CTBP2: variants seen among roughly 807,000 people sequenced by gnomAD.
CTBP2 encodes the protein C-terminal binding protein 2, also known as C-terminal-binding protein 2.
A neutral mutation model predicts 80.3 loss-of-function variants in CTBP2; 30 were observed. The observed-to-expected ratio is 0.37, with a 90% CI of 0.28 to 0.51. The LOEUF is 0.51. CTBP2 is among the 20% of genes least tolerant of loss of function. The pLI is 0.93. For synonymous variants in CTBP2, 594 were observed against 587.4 expected, an observed-to-expected ratio of 1.01 and a Z score of -0.16; for missense variants, 1,212 against 1,375.3, an observed-to-expected ratio of 0.88 and a Z score of 1.88.
intron 2 of CTBP2, among the ~76,000 whole-genome samples, chr10:125,040,836 G>A (rs1322605885): frequency 6.6e-6 from 1 of 152,142 alleles, no homozygotes; most frequent in Non-Finnish European, 1.5e-5. Flanking sequence ...AAAGGCATCC[G>A]AAAGATTTAT....
chr10:125,015,890 G>A (rs548369284), intron 1 of CTBP2, among the ~76,000 whole-genome samples: 9 of 152,348 alleles, frequency 5.9e-5, no homozygotes, highest in South Asian at 4.1e-4. Context: ...GGCTGGCAGC[G>A]TGTCCAGTGT....
intron 1 of CTBP2, among the ~76,000 whole-genome samples, chr10:125,129,768 CAAGGCCCTG>C (rs1425564398): frequency 1.3e-5 from 2 of 152,276 alleles, no homozygotes; most frequent in East Asian, 3.9e-4. Context: ...CTGTGAGGAC[CAAGGCCCTG>C]GAGGCACAGG....
intron 1 of CTBP2, among the ~76,000 whole-genome samples, chr10:125,158,126 G>GAAGGATT (rs1861258993): frequency 6.6e-6 from 1 of 151,706 alleles, no homozygotes; most frequent in African/African-American, 2.4e-5. Flanking sequence ...ATCCTTTAAA[G>GAAGGATT]TCTCATTACT....
intron 1 of CTBP2, among the ~76,000 whole-genome samples, chr10:125,141,234 T>A (rs1334030651): frequency 6.6e-6 from 1 of 152,150 alleles, no homozygotes; most frequent in Admixed American, 6.5e-5. Context: ...AGGGACTTCC[T>A]GCCAAGCATC....
chr10:125,042,303 C>CCTCCAGCTGGT (rs1320910171), intron 2 of CTBP2, among the ~76,000 whole-genome samples: 1 of 152,250 alleles, frequency 6.6e-6, no homozygotes, highest in African/African-American at 2.4e-5. Context: ...CACACAGCGG[C>CCTCCAGCTGGT]CTCCAGCTGG....
At position 125,085,587 on chromosome 10, in the gene CTBP2, C is replaced by A. The variant is rs1847856268; in HGVS notation, c.-102+25403G>T. ...TTCCTTCAGAAACGAGGGCGAAGAA[C>A]CTCCAACAGTAAGTTTTCTGCGGGC... On this transcript the variant is annotated intron_variant, in intron 2 of 10. Coordinates refer to the CTBP2 transcript ENST00000337195. 3.3e-5 allele frequency among the ~76,000 whole-genome samples: 5 copies of A among 152,234 alleles called. 1 individual carries two copies. The South Asian group carries it at 1.0e-3, about 32-fold the overall frequency.
chr10:125,155,670 C>T (rs893562305), intron 1 of CTBP2, among the ~76,000 whole-genome samples: 1 of 149,440 alleles, frequency 6.7e-6, no homozygotes, highest in Non-Finnish European at 1.5e-5. Flanking sequence ...ATTTTCCAAA[C>T]CCCAAGATAG....
At chr10:125,104,429 T>G (rs1851134642) in intron 2 of CTBP2, among the ~76,000 whole-genome samples, 1 of 152,238 alleles carries the variant, frequency 6.6e-6, no homozygotes, top group Non-Finnish European at 1.5e-5. Flanking sequence ...TTGTTGCTGT[T>G]TCTTTTAAAC....
intron 1 of CTBP2, among the ~76,000 whole-genome samples, chr10:125,157,417 G>C (rs1052386391): frequency 8.0e-5 from 12 of 149,504 alleles, no homozygotes; most frequent in South Asian, 4.3e-4. Flanking sequence ...GAGCGGGGGG[G>C]AGTCGGTATT....
chr10:125,049,526 T>C (rs1962207930), intron 2 of CTBP2, among the ~76,000 whole-genome samples: 1 of 152,154 alleles, frequency 6.6e-6, no homozygotes, highest in South Asian at 2.1e-4. Flanking sequence ...CCAAGTCACA[T>C]TCAGTGGGAC....
chr10:125,109,610 T>C (rs1851978392), intron 2 of CTBP2, among the ~76,000 whole-genome samples: 1 of 152,190 alleles, frequency 6.6e-6, no homozygotes, highest in Non-Finnish European at 1.5e-5. Context: ...TCCTCCTCAA[T>C]GCTAAGAGCC....
chr10:125,043,963 ATCGTAGTTAAGCAAG>A (rs1331116848), intron 2 of CTBP2, among the ~76,000 whole-genome samples: 2 of 152,192 alleles, frequency 1.3e-5, no homozygotes, highest in African/African-American at 2.4e-5. Flanking sequence ...AATTAATATC[ATCGTAGTTAAGCAAG>A]TCCTGCCAAA....
At chr10:125,058,224 C>T (rs576706426) in intron 2 of CTBP2, among the ~76,000 whole-genome samples, 35 of 152,122 alleles carry the variant, frequency 2.3e-4, no homozygotes, top group Middle Eastern at 3.4e-3. Context: ...TATGCAGCTG[C>T]GCCCTCCCCA....
In CTBP2 at chr10:124,986,365, AAAGT is replaced by A. The variant is rs1390715267; in HGVS notation, c.*3149_*3152del. The A allele has an allele frequency of 2.6e-5, 4 of 152,398 alleles. No individual in the cohort carries two copies. The highest frequency in any genetic ancestry group is 9.7e-5 in the African/African-American group (4 of 41,344). 9.4% of individuals were successfully genotyped at this position (152,398 alleles called of 1,614,324 possible). A position where few individuals can be genotyped will look rare whatever the true frequency, so the allele number is the denominator to read the frequency against. The stretch of plus-strand genomic sequence containing the variant: ...TGATGAAAAAGGCTGTGAAAACCTT[AAAGT>A]ATTTGCTTGCTTCTTGTTTTGTTTA... On this transcript the variant is annotated 3_prime_UTR_variant, in exon 9 of 9. Transcript: ENST00000309035.
intron 3 of CTBP2, among the ~76,000 whole-genome samples, chr10:125,035,470 T>G (rs1208851992): frequency 6.6e-6 from 1 of 152,172 alleles, no homozygotes; most frequent in Admixed American, 6.5e-5. Context: ...CTCTAACACA[T>G]TCGAACAAAA....
intron 1 of CTBP2, among the ~76,000 whole-genome samples, chr10:125,130,368 C>CT (rs1201914735): frequency 6.6e-6 from 1 of 152,196 alleles, no homozygotes; most frequent in East Asian, 1.9e-4. Context: ...GACTTCTAGC[C>CT]TTCCCTTGCT....
intron 2 of CTBP2, among the ~76,000 whole-genome samples, chr10:125,073,956 T>G (rs1275544396): frequency 2.6e-5 from 4 of 152,182 alleles, no homozygotes; most frequent in Admixed American, 6.5e-5. Context: ...ACCCTGATCT[T>G]CAATCCCACC....
intron 1 of CTBP2, among the ~76,000 whole-genome samples, chr10:125,158,889 G>A (rs1462403664): frequency 8.6e-5 from 13 of 152,032 alleles, no homozygotes; most frequent in African/African-American, 3.1e-4. Context: ...CCGGCGGAAA[G>A]CGAGCCACGG....
intron 2 of CTBP2, among the ~76,000 whole-genome samples, chr10:125,047,488 G>GGCACACACAATACAATTGC (rs1254228341): frequency 6.6e-6 from 1 of 152,160 alleles, no homozygotes; most frequent in African/African-American, 2.4e-5. Flanking sequence ...AATACAATTG[G>GGCACACACAATACAATTGC]GCACACACAA....
Sources: gnomAD v4.1 joint callset for allele counts (sites outside exome capture counted in the v4.1 genomes callset) on GRCh38, gnomAD v4.1.1 for gene constraint, MANE v1.5 for transcripts, NCBI Gene and HGNC (gene_info 2026-07-23, HGNC 2026-07-21) for gene names.